ARHGAP6: variants seen among roughly 807,000 people sequenced by gnomAD.
ARHGAP6 encodes Rho GTPase activating protein 6, also known as rho GTPase-activating protein 6.
In ARHGAP6, 16 loss-of-function variants were observed where a neutral mutation model predicts 55.7. The observed-to-expected ratio is 0.29, with a 90% CI of 0.19 to 0.44. ARHGAP6 has a LOEUF of 0.44. Ranked by LOEUF, ARHGAP6 falls within the 20% of genes least tolerant of loss-of-function variation. The pLI is 1.00. For missense variants in ARHGAP6, 698 were observed against 808.9 expected (o/e 0.86, Z 1.66); for synonymous variants, 382 against 360.9 (o/e 1.06, Z -0.66).
At chrX:11,566,197 A>G (rs1449849474) in intron 1 of ARHGAP6, among the ~76,000 whole-genome samples, 1 of 112,338 alleles carries the variant, frequency 8.9e-6, no homozygotes, top group Non-Finnish European at 1.9e-5. Context: ...GCTGACAGCA[A>G]CAGTGAAGGA....
At chrX:11,418,233 C>T (rs55782070) in intron 1 of ARHGAP6, among the ~76,000 whole-genome samples, 3,325 of 111,917 alleles carry the variant, frequency 0.03, 56 homozygotes, top group Middle Eastern at 0.083. Flanking sequence ...GAGGAACTAA[C>T]TTAAGAATAA....
At chrX:11,239,661 C>T (rs757417998) in intron 2 of ARHGAP6, among the ~76,000 whole-genome samples, 2 of 111,453 alleles carry the variant, frequency 1.8e-5, no homozygotes, top group Non-Finnish European at 3.8e-5. Context: ...AATCCTTTTT[C>T]TGCTTAAGTT....
chrX:11,488,962 G>A (rs1162204743), intron 1 of ARHGAP6, among the ~76,000 whole-genome samples: 1 of 111,950 alleles, frequency 8.9e-6, no homozygotes, highest in Non-Finnish European at 1.9e-5. Flanking sequence ...GATGTAACGT[G>A]TAAGACATAA....
At chrX:11,385,791 G>A (rs950096116) in intron 1 of ARHGAP6, among the ~76,000 whole-genome samples, 2 of 111,897 alleles carry the variant, frequency 1.8e-5, no homozygotes, top group African/African-American at 6.5e-5. Flanking sequence ...CAAAAGAAAG[G>A]TGTTGTGTTT....
At chrX:11,443,920 T>G (rs2050066341) in intron 1 of ARHGAP6, among the ~76,000 whole-genome samples, 1 of 109,099 alleles carries the variant, frequency 9.2e-6, no homozygotes, top group Non-Finnish European at 1.9e-5. Flanking sequence ...AGAGCGAGAC[T>G]CCGTCTCAAA....
Position 11,157,861 on chromosome X carries a change from C to T in ARHGAP6, c.1810-1235G>A, listed in dbSNP as rs890311890. On this transcript the variant is annotated intron_variant, in intron 9 of 12. Coordinates refer to ENST00000337414, the MANE Select transcript of ARHGAP6 (RefSeq NM_013427.3). ...TACAAATCTGTTCCTCCTACTTTAT[C>T]GTGAACCTTCATTAATGACATTGCC... Among the ~76,000 whole-genome samples the T allele has an allele frequency of 1.1e-4, 12 of 111,988 alleles. No homozygotes were observed. In the Admixed American group the frequency reaches 1.1e-3, roughly 11 times the overall value.
intron 1 of ARHGAP6, among the ~76,000 whole-genome samples, chrX:11,371,029 A>G (rs1250354834): frequency 8.9e-6 from 1 of 112,404 alleles, no homozygotes; most frequent in Non-Finnish European, 1.9e-5. Context: ...TGCACTGAGC[A>G]CTGATAGGTC....
At chrX:11,344,169 ATAATTC>A (rs1454113275) in intron 1 of ARHGAP6, among the ~76,000 whole-genome samples, 2 of 111,701 alleles carry the variant, frequency 1.8e-5, no homozygotes, top group Non-Finnish European at 3.8e-5. Context: ...TTGGGGCCAG[ATAATTC>A]TATGTTGTAG....
Position 11,139,159 on chromosome X carries a change from C to A in ARHGAP6, c.2629G>T (p.Asp877Tyr). The A allele has an allele frequency of 8.3e-7, 1 of 1,205,888 alleles. No homozygotes were observed. The highest frequency in any genetic ancestry group is 1.8e-5 in the South Asian group (1 of 56,593). ...CQRPHGSGRD[D>Y]KRPPPPYPGP... ...GGGTATGGAGGCGGGGGCCGCTTGT[C>A]ATCCCTCCCACTCCCATGGGGTCTT... The change falls in exon 13 of 13, where the codon GAC (aspartate) becomes TAC (tyrosine). Residue 877 changes from aspartate to tyrosine, a missense_variant. Asp to Tyr is a radical substitution (Grantham distance 160). Around this residue, in one of 3 missense-constraint regions of ARHGAP6, gnomAD observed 212 missense variants for 208.7 expected, o/e 1.02. Transcript: ENST00000337414.
At chrX:11,160,751 T>C (rs2147293205) in intron 9 of ARHGAP6, among the ~76,000 whole-genome samples, 1 of 112,129 alleles carries the variant, frequency 8.9e-6, no homozygotes, top group East Asian at 2.8e-4. Context: ...GTCTATTTTA[T>C]GTAGCATATG....
chrX:11,475,984 G>T (rs2050400477), intron 1 of ARHGAP6, among the ~76,000 whole-genome samples: 1 of 111,221 alleles, frequency 9.0e-6, no homozygotes. Context: ...GCTCAGCAAG[G>T]AGATGCATAT....
chrX:11,534,958 C>T (rs1041884546), intron 1 of ARHGAP6, among the ~76,000 whole-genome samples: 1 of 111,384 alleles, frequency 9.0e-6, no homozygotes, highest in African/African-American at 3.3e-5. Flanking sequence ...TTGAACAGTG[C>T]GGAGACAGTA....
chrX:11,430,245 G>A (rs1254595836), intron 1 of ARHGAP6, among the ~76,000 whole-genome samples: 2 of 112,112 alleles, frequency 1.8e-5, no homozygotes, highest in African/African-American at 6.5e-5. Context: ...TGACATTCTT[G>A]TAAGCCAAAA....
At chrX:11,594,657 G>A (rs1002242406) in intron 1 of ARHGAP6, among the ~76,000 whole-genome samples, 11 of 111,386 alleles carry the variant, frequency 9.9e-5, no homozygotes, top group African/African-American at 3.6e-4. Flanking sequence ...TACTCCTTAT[G>A]AGAATCTAAT....
chrX:11,420,301 G>T (rs76822915), intron 1 of ARHGAP6, among the ~76,000 whole-genome samples: 2 of 111,602 alleles, frequency 1.8e-5, no homozygotes, highest in Non-Finnish European at 3.8e-5. Context: ...AAATAAATCA[G>T]AAAAATTGGT....
At chrX:11,568,543 G>A (rs1273315123) in intron 1 of ARHGAP6, among the ~76,000 whole-genome samples, 1 of 111,660 alleles carries the variant, frequency 9.0e-6, no homozygotes, top group African/African-American at 3.3e-5. Flanking sequence ...GATCACTTGA[G>A]GTCAGGAGTT....
rs2045575929 is a variant in ARHGAP6, at chrX:11,138,597, G to A, written c.*266C>T. On this transcript the variant is annotated 3_prime_UTR_variant, in exon 13 of 13. Coordinates refer to ENST00000337414, the MANE Select transcript of ARHGAP6 (RefSeq NM_013427.3). Reference sequence around the variant, plus strand: ...AGCAAGAGTTGTATCTTATATTATAGAGCCAAGAGGGACGTTTTTAGATTG... The same window carrying A: ...AGCAAGAGTTGTATCTTATATTATAAAGCCAAGAGGGACGTTTTTAGATTG... 35 of 402,280 alleles carry A rather than the reference G, an allele frequency of 8.7e-5. No individual in the cohort carries two copies. The South Asian group carries it at 1.4e-3, about 16-fold the overall frequency. The allele number at this position is 402,280 out of a possible 1,213,427, so 33.2% of individuals were successfully genotyped here.
intron 1 of ARHGAP6, among the ~76,000 whole-genome samples, chrX:11,302,551 A>G (rs1318428663): frequency 9.0e-6 from 1 of 111,347 alleles, no homozygotes; most frequent in Non-Finnish European, 1.9e-5. Flanking sequence ...AGATATTTAC[A>G]TTCTTTTCTA....
chrX:11,330,270 T>C (rs902936645), intron 1 of ARHGAP6, among the ~76,000 whole-genome samples: 1 of 112,696 alleles, frequency 8.9e-6, no homozygotes, highest in African/African-American at 3.2e-5. Flanking sequence ...CTGAGTACCA[T>C]ACATTTCATA....
Sources: gnomAD v4.1 joint callset for allele counts (sites outside exome capture counted in the v4.1 genomes callset) on GRCh38, gnomAD v4.1.1 for gene constraint, gnomAD v4.1.1 regional missense constraint, MANE v1.5 for transcripts, NCBI Gene and HGNC (gene_info 2026-07-23, HGNC 2026-07-21) for gene names.